The following NPLOC4 variants were observed in gnomAD, a reference collection of about 807,000 sequenced individuals.
NPLOC4 encodes nuclear protein localization protein 4 homolog.
Under a neutral mutation model 80.6 loss-of-function variants are expected in NPLOC4, and 18 were observed. That is an observed-to-expected ratio of 0.22 (90% CI 0.15 to 0.33). The LOEUF is 0.33. NPLOC4 is among the 10% of genes least tolerant of loss of function. The pLI, the probability that NPLOC4 is intolerant of heterozygous loss-of-function variation, is 1.00. For synonymous variants in NPLOC4, 313 were observed against 301.5 expected, an observed-to-expected ratio of 1.04 and a Z score of -0.39; for missense variants, 540 against 786.1, an observed-to-expected ratio of 0.69 and a Z score of 3.74.
intron 2 of NPLOC4, among the ~76,000 whole-genome samples, chr17:81,629,224 A>C (rs1378947599): frequency 1.1e-4 from 14 of 123,168 alleles, no homozygotes; most frequent in Non-Finnish European, 1.9e-4. Flanking sequence ...ATGGAGTCTC[A>C]CTCTGTTGCC....
intron 6 of NPLOC4, among the ~76,000 whole-genome samples, chr17:81,608,471 GA>G (rs1344793865): frequency 1.3e-5 from 2 of 152,144 alleles, no homozygotes; most frequent in African/African-American, 4.8e-5. Context: ...GCACTTTGGG[GA>G]AACCAAGGCA....
intron 16 of NPLOC4, among the ~76,000 whole-genome samples, chr17:81,560,062 T>G (rs1238897061): frequency 6.6e-6 from 1 of 151,954 alleles, no homozygotes; most frequent in Non-Finnish European, 1.5e-5. Context: ...ATGAACAAAG[T>G]TGCCAGGATC....
At chr17:81,583,161 ATATC>A (rs1487830644) in intron 12 of NPLOC4, among the ~76,000 whole-genome samples, 3 of 152,262 alleles carry the variant, frequency 2.0e-5, no homozygotes, top group Admixed American at 6.5e-5. Flanking sequence ...CGACTTGGAA[ATATC>A]TATCAAAACT....
At chr17:81,573,170 C>T (rs2034205740) in intron 12 of NPLOC4, among the ~76,000 whole-genome samples, 1 of 152,182 alleles carries the variant, frequency 6.6e-6, no homozygotes, top group African/African-American at 2.4e-5. Context: ...CATCACTTAA[C>T]ATTATATAAA....
chr17:81,561,041 T>A (rs1415862635), intron 16 of NPLOC4, among the ~76,000 whole-genome samples: 2 of 152,148 alleles, frequency 1.3e-5, no homozygotes, highest in African/African-American at 4.8e-5. Flanking sequence ...CGCTGCAACC[T>A]CTGCCTCCTG....
chr17:81,584,883 G>A (rs777369778), intron 12 of NPLOC4, among the ~76,000 whole-genome samples: 4 of 152,040 alleles, frequency 2.6e-5, no homozygotes, highest in African/African-American at 7.2e-5. Flanking sequence ...ACATGGGAAC[G>A]AGGCCCAGCA....
At chr17:81,617,118 G>A (rs375715761) in intron 3 of NPLOC4, among the ~76,000 whole-genome samples, 21 of 152,268 alleles carry the variant, frequency 1.4e-4, no homozygotes, top group African/African-American at 2.6e-4. Flanking sequence ...CTCACAGCCC[G>A]GATAGGGAGT....
At position 81,608,804 on chromosome 17, in the gene NPLOC4, G is replaced by C; in HGVS notation, c.454C>G (p.Leu152Val). 6.3e-7 allele frequency: 1 copy of C among 1,586,128 alleles called. No homozygotes were observed. Among genetic ancestry groups the C allele is most frequent in the Non-Finnish European group, 8.6e-7 (1 of 1,165,812 alleles). ...VPLEPFDEDY[L>V]NHLEPPVKHM... ...TTCACGGGAGGCTCGAGATGGTTTA[G>C]ATAGTCCTCATCGAATGGCTGCCAA... The change falls in exon 6 of 17, where the codon CTA (leucine) becomes GTA (valine). Residue 152 changes from leucine (L) to valine (V), a missense_variant. By Grantham distance (32) the Leu-to-Val change is conservative. Coordinates refer to ENST00000331134, the MANE Select transcript of NPLOC4 (RefSeq NM_017921.4).
At chr17:81,628,661 G>A (rs890874802) in intron 2 of NPLOC4, among the ~76,000 whole-genome samples, 1 of 152,172 alleles carries the variant, frequency 6.6e-6, no homozygotes, top group African/African-American at 2.4e-5. Flanking sequence ...ACACCAGACA[G>A]AAATAGTCTG....
chr17:81,618,265 C>T (rs2035559025), intron 3 of NPLOC4, among the ~76,000 whole-genome samples: 1 of 150,048 alleles, frequency 6.7e-6, no homozygotes, highest in Non-Finnish European at 1.5e-5. Context: ...CGTCTCTGCC[C>T]GGCCGCCCAT....
intron 12 of NPLOC4, among the ~76,000 whole-genome samples, chr17:81,582,104 T>C (rs1203510643): frequency 2.0e-5 from 3 of 152,292 alleles, no homozygotes; most frequent in East Asian, 3.9e-4. Flanking sequence ...ACATGGAGCA[T>C]AGACAGAGCC....
At chr17:81,619,927 G>T (rs997302103) in intron 3 of NPLOC4, among the ~76,000 whole-genome samples, 1 of 151,960 alleles carries the variant, frequency 6.6e-6, no homozygotes, top group Admixed American at 6.6e-5. Context: ...CCTGCTGAGG[G>T]AATGGCCTGA....
intron 5 of NPLOC4, 109 bp downstream of exon 5, chr17:81,610,101 T>G (rs8077038): frequency 0.44 from 407,109 of 923,454 alleles, 99,623 homozygotes; most frequent in Non-Finnish European, 0.51. Flanking sequence ...GTAAGTTCTT[T>G]GAACCACTCA....
At chr17:81,562,398 G>A (rs2033877756) in intron 16 of NPLOC4, 1 of 152,160 alleles carries the variant, frequency 6.6e-6, no homozygotes, top group Admixed American at 6.6e-5. Context: ...AATTAGCTGG[G>A]TGTGGTGGCA....
At chr17:81,619,553 GA>G (rs34176297) in intron 3 of NPLOC4, among the ~76,000 whole-genome samples, 64 of 107,010 alleles carry the variant, frequency 6.0e-4, no homozygotes, top group Non-Finnish European at 7.4e-4. Flanking sequence ...TCTGTCTCAA[GA>G]AAAAAAAAAA....
intron 12 of NPLOC4, among the ~76,000 whole-genome samples, chr17:81,584,015 GTAACTTAA>G (rs1280284432): frequency 6.6e-6 from 1 of 152,208 alleles, no homozygotes; most frequent in Non-Finnish European, 1.5e-5. Context: ...GAGTCCAGCT[GTAACTTAA>G]TATGCCCTTG....
At chr17:81,631,310 C>T (rs2035919503) in intron 1 of NPLOC4, among the ~76,000 whole-genome samples, 1 of 151,218 alleles carries the variant, frequency 6.6e-6, no homozygotes, top group African/African-American at 2.4e-5. Flanking sequence ...TTCAGGAGAC[C>T]AAGGCAGGAA....
chr17:81,594,625 A>C (rs895142593), intron 11 of NPLOC4, among the ~76,000 whole-genome samples: 3 of 151,812 alleles, frequency 2.0e-5, no homozygotes, highest in African/African-American at 7.3e-5. Context: ...AATACAAAAA[A>C]TTAGCCGGGT....
intron 12 of NPLOC4, among the ~76,000 whole-genome samples, chr17:81,581,375 A>AAAAGAC (rs1555680405): frequency 1.4e-5 from 1 of 72,810 alleles, no homozygotes; most frequent in Non-Finnish European, 2.9e-5. Flanking sequence ...AAAAAAAAAA[A>AAAAGAC]AGTTAATAAA....
Sources: gnomAD v4.1 joint callset for allele counts (sites outside exome capture counted in the v4.1 genomes callset) on GRCh38, gnomAD v4.1.1 for gene constraint, MANE v1.5 for transcripts, NCBI Gene and HGNC (gene_info 2026-07-23, HGNC 2026-07-21) for gene names.